Variants in KHDRBS2 observed in about 807,000 individuals in gnomAD.
KHDRBS2 encodes the protein KH domain-containing, RNA-binding, signal transduction-associated protein 2.
A neutral mutation model predicts 44.3 loss-of-function variants in KHDRBS2; 26 were observed. The observed-to-expected ratio is 0.59, with a 90% CI of 0.43 to 0.81. KHDRBS2 has a LOEUF of 0.81. Among genes scored for constraint, KHDRBS2 ranks in the 40% least tolerant of loss-of-function variants. KHDRBS2 has a pLI of 0.00. For missense variants in KHDRBS2, 476 were observed against 433.1 expected (o/e 1.10, Z -0.88); for synonymous variants, 194 against 151.1 (o/e 1.28, Z -2.08).
chr6:61,784,563 T>C (rs1783494064), intron 6 of KHDRBS2, among the ~76,000 whole-genome samples: 1 of 152,106 alleles, frequency 6.6e-6, no homozygotes, highest in Non-Finnish European at 1.5e-5. Flanking sequence ...ATCTTCCAAA[T>C]AATAACTGGT....
chr6:61,588,826 T>A, the KHDRBS2 span, among the ~76,000 whole-genome samples: 1 of 151,898 alleles, frequency 6.6e-6, no homozygotes, highest in East Asian at 1.9e-4. Context: ...CAAATGGCCA[T>A]CAATAATAGA....
intron 3 of KHDRBS2, among the ~76,000 whole-genome samples, chr6:62,039,369 C>T (rs1303571473): frequency 1.3e-5 from 2 of 151,476 alleles, no homozygotes; most frequent in Non-Finnish European, 2.9e-5. Flanking sequence ...GAATTTCATA[C>T]AATTTTGAAT....
In KHDRBS2 at chr6:61,978,174, G is replaced by A. The variant is rs1773097295; in HGVS notation, c.375C>T (p.Ala125=). The change falls in exon 4 of 9, where the codon GCC becomes GCT. Residue 125 remains alanine, a synonymous_variant. Coordinates refer to ENST00000281156, the MANE Select transcript of KHDRBS2 (RefSeq NM_152688.4). ...ATACATGAAGCTCATCACTCAAGTGGGCATATTTGGCTTCCCCACTCTTCC... is the reference window on the plus strand; with the variant it reads ...ATACATGAAGCTCATCACTCAAGTGAGCATATTTGGCTTCCCCACTCTTCC... ...ELRKSGEAKY[A]HLSDELHVLI... 1 of 1,608,238 alleles carries A rather than the reference G, an allele frequency of 6.2e-7. No individual in the cohort carries two copies. Among genetic ancestry groups the A allele is most frequent in the African/African-American group, 1.3e-5 (1 of 74,562 alleles).
At chr6:61,968,142 T>A (rs1204595762) in intron 4 of KHDRBS2, among the ~76,000 whole-genome samples, 1 of 151,962 alleles carries the variant, frequency 6.6e-6, no homozygotes, top group East Asian at 1.9e-4. Context: ...TAACCAATGA[T>A]ATATACACAT....
At chr6:61,597,357 C>T in the KHDRBS2 span, among the ~76,000 whole-genome samples, 4 of 151,880 alleles carry the variant, frequency 2.6e-5, no homozygotes, top group African/African-American at 4.8e-5. Context: ...CAATTTAAGG[C>T]GGAGCCCATT....
the KHDRBS2 span, among the ~76,000 whole-genome samples, chr6:61,579,975 TG>T: frequency 1.3e-5 from 2 of 152,054 alleles, no homozygotes; most frequent in South Asian, 4.2e-4. Flanking sequence ...GAGAATCACT[TG>T]AACCCGGGAG....
At chr6:61,888,851 G>T (rs1310762631) in intron 6 of KHDRBS2, among the ~76,000 whole-genome samples, 1 of 151,826 alleles carries the variant, frequency 6.6e-6, no homozygotes. Context: ...ATGAGCCACC[G>T]GGCCCGGCTG....
At chr6:62,201,871 C>T (rs1429142305) in intron 1 of KHDRBS2, among the ~76,000 whole-genome samples, 3 of 151,792 alleles carry the variant, frequency 2.0e-5, no homozygotes, top group Non-Finnish European at 4.4e-5. Flanking sequence ...AAGTTACGCA[C>T]GTTCGTAAGA....
At chr6:61,877,179 T>C (rs1173975127) in intron 6 of KHDRBS2, among the ~76,000 whole-genome samples, 13 of 152,000 alleles carry the variant, frequency 8.6e-5, no homozygotes, top group Admixed American at 7.9e-4. Context: ...GCAAAGATTG[T>C]TGACCCCTGC....
At chr6:61,958,421 A>C (rs1342380327) in intron 4 of KHDRBS2, among the ~76,000 whole-genome samples, 1 of 152,124 alleles carries the variant, frequency 6.6e-6, no homozygotes, top group Non-Finnish European at 1.5e-5. Context: ...CCATTTGGCC[A>C]CCCTTCATGC....
chr6:61,778,910 G>A (rs1782506782), intron 6 of KHDRBS2, among the ~76,000 whole-genome samples: 1 of 152,102 alleles, frequency 6.6e-6, no homozygotes, highest in Admixed American at 6.6e-5. Flanking sequence ...CCACTGCTTT[G>A]CTCACTGACA....
At chr6:61,932,492 G>C (rs1810248491) in intron 4 of KHDRBS2, among the ~76,000 whole-genome samples, 2 of 152,092 alleles carry the variant, frequency 1.3e-5, no homozygotes, top group African/African-American at 4.8e-5. Flanking sequence ...AACATTTTTA[G>C]ATTCCACGTA....
intron 3 of KHDRBS2, among the ~76,000 whole-genome samples, chr6:62,029,058 T>C (rs1254670270): frequency 1.3e-5 from 2 of 151,980 alleles, no homozygotes; most frequent in African/African-American, 4.8e-5. Context: ...TCAAACCAAG[T>C]TAGAAAAGAC....
rs114229955 is a variant in KHDRBS2 at position 62,038,566 on chromosome 6, A to C, written c.336+9312T>G. 8.3e-3 allele frequency among the ~76,000 whole-genome samples: 1,264 copies of C among 152,214 alleles called. 12 individuals are homozygous for C. The highest frequency in any genetic ancestry group is 0.013 in the Non-Finnish European group (895 of 67,990). ...CTGGTAAGAAAATAGATCACTGTCA[A>C]ATAAACATCACTGCAACTAATGAAA... On this transcript the variant is annotated intron_variant, in intron 3 of 8. Transcript: ENST00000281156.
intron 4 of KHDRBS2, among the ~76,000 whole-genome samples, chr6:61,940,193 A>C (rs1257215198): frequency 6.6e-6 from 1 of 152,124 alleles, no homozygotes; most frequent in Non-Finnish European, 1.5e-5. Flanking sequence ...GAAATATATA[A>C]ATTGCAGTTA....
At chr6:62,135,116 A>C (rs760655479) in intron 2 of KHDRBS2, among the ~76,000 whole-genome samples, 4 of 152,182 alleles carry the variant, frequency 2.6e-5, no homozygotes, top group Admixed American at 2.0e-4. Context: ...CCCAAATCTC[A>C]TCTTGAACTG....
intron 3 of KHDRBS2, among the ~76,000 whole-genome samples, chr6:62,022,468 T>C (rs1038587356): frequency 2.6e-5 from 4 of 151,774 alleles, no homozygotes; most frequent in African/African-American, 7.2e-5. Context: ...CAGGTTAACA[T>C]ACTGTATTGG....
At chr6:62,177,777 A>C (rs1821436901) in intron 1 of KHDRBS2, among the ~76,000 whole-genome samples, 1 of 151,436 alleles carries the variant, frequency 6.6e-6, no homozygotes, top group African/African-American at 2.4e-5. Flanking sequence ...AGTTAGCTAA[A>C]ATAGGTAGTA....
intron 1 of KHDRBS2, among the ~76,000 whole-genome samples, chr6:62,194,289 A>G (rs969102317): frequency 2.0e-5 from 3 of 151,878 alleles, no homozygotes; most frequent in African/African-American, 7.3e-5. Context: ...GCATTTGGAT[A>G]AACAGCTGTC....
Sources: gnomAD v4.1 joint callset for allele counts (sites outside exome capture counted in the v4.1 genomes callset) on GRCh38, gnomAD v4.1.1 for gene constraint, MANE v1.5 for transcripts, NCBI Gene and HGNC (gene_info 2026-07-23, HGNC 2026-07-21) for gene names.